DDR2: variants seen among roughly 807,000 people sequenced by gnomAD.
DDR2 encodes discoidin domain receptor tyrosine kinase 2, also known as discoidin domain-containing receptor 2.
In DDR2, 27 loss-of-function variants were observed where a neutral mutation model predicts 94.9. The ratio of observed to expected loss-of-function variants is 0.28; its 90% CI spans 0.21 to 0.39. The LOEUF is 0.39. Ranked by LOEUF, DDR2 falls within the 10% of genes least tolerant of loss-of-function variation. DDR2 has a pLI of 1.00. For synonymous variants in DDR2, 382 were observed against 377.2 expected, an observed-to-expected ratio of 1.01 and a Z score of -0.15; for missense variants, 783 against 1,076.0, an observed-to-expected ratio of 0.73 and a Z score of 3.81.
chr1:162,725,965 G>A (rs887886137), intron 3 of DDR2, among the ~76,000 whole-genome samples: 3 of 152,190 alleles, frequency 2.0e-5, no homozygotes, highest in African/African-American at 4.8e-5. Flanking sequence ...TAAAGTGATG[G>A]GAGGAAACAT....
At chr1:162,749,136 G>C (rs1663045429) in intron 3 of DDR2, among the ~76,000 whole-genome samples, 1 of 151,930 alleles carries the variant, frequency 6.6e-6, no homozygotes, top group Non-Finnish European at 1.5e-5. Context: ...GCTAGCAGAA[G>C]GCAAGAAATA....
intron 2 of DDR2, among the ~76,000 whole-genome samples, chr1:162,708,802 C>T (rs1263896329): frequency 6.6e-6 from 1 of 152,182 alleles, no homozygotes; most frequent in Non-Finnish European, 1.5e-5. Context: ...ACCTGCCAAC[C>T]AACCTACACA....
rs1647819911 is a variant in DDR2 at position 162,780,199 on chromosome 1, T to C, written c.2521T>C (p.Ser841Pro). 6.2e-7 allele frequency: 1 copy of C among 1,613,876 alleles called. No homozygotes were observed. Among genetic ancestry groups the C allele is most frequent in the African/African-American group, 1.3e-5 (1 of 74,896 alleles). Residue 841 changes from serine to proline, a missense_variant, in exon 18 of 18, where the codon TCA (serine) becomes CCA (proline). By Grantham distance (74) the Ser-to-Pro change is moderately conservative. Around this residue, in one of 2 missense-constraint regions of DDR2, gnomAD observed 264 missense variants for 428.2 expected, o/e 0.62. Transcript: ENST00000367921. ...CWRRDTKNRP[S>P]FQEIHLLLLQ... is the part of the protein sequence containing the mutation. ...GAGAAGAGATACGAAGAACCGTCCC[T>C]CATTCCAAGAAATCCACCTTCTGCT... is the stretch of plus-strand genomic sequence containing the variant.
intron 2 of DDR2, among the ~76,000 whole-genome samples, chr1:162,710,727 T>TTCAACACACACAAATGCAAG (rs1167004346): frequency 6.6e-6 from 1 of 151,100 alleles, no homozygotes; most frequent in Non-Finnish European, 1.5e-5. Flanking sequence ...AATCTTAATC[T>TTCAACACACACAAATGCAAG]TCAACACACA....
At chr1:162,697,637 C>T (rs185056032) in intron 2 of DDR2, among the ~76,000 whole-genome samples, 49 of 152,202 alleles carry the variant, frequency 3.2e-4, no homozygotes, top group East Asian at 1.5e-3. Context: ...ACATTTACTA[C>T]GAAATGAGAC....
At chr1:162,706,696 G>A (rs1660675620) in intron 2 of DDR2, among the ~76,000 whole-genome samples, 1 of 152,146 alleles carries the variant, frequency 6.6e-6, no homozygotes, top group African/African-American at 2.4e-5. Flanking sequence ...GAGAGGAGCG[G>A]GCCTGGTAGG....
intron 2 of DDR2, among the ~76,000 whole-genome samples, chr1:162,661,620 A>G (rs1658299355): frequency 6.6e-6 from 1 of 152,232 alleles, no homozygotes; most frequent in Admixed American, 6.5e-5. Flanking sequence ...ACAGAAGAGA[A>G]GCTGGCATGG....
At chr1:162,650,393 C>T (rs928444339) in intron 1 of DDR2, among the ~76,000 whole-genome samples, 3 of 152,070 alleles carry the variant, frequency 2.0e-5, no homozygotes, top group East Asian at 1.9e-4. Context: ...GTCAGGAGTT[C>T]GAGAACAGCC....
At chr1:162,685,061 G>T (rs890744172) in intron 2 of DDR2, among the ~76,000 whole-genome samples, 1 of 152,046 alleles carries the variant, frequency 6.6e-6, no homozygotes, top group Non-Finnish European at 1.5e-5. Flanking sequence ...AAATTTTCTG[G>T]GTTTAAATCA....
rs144904267 is a variant in DDR2 at position 162,644,911 on chromosome 1, G to A, written c.-191-10300G>A. ...ACGCCCAGCCAACCACACTTCTTAA[G>A]GCTAGATAAATACATAGCTTTAAGT... On this transcript the variant is annotated intron_variant, in intron 1 of 17. Coordinates refer to ENST00000367921, the MANE Select transcript of DDR2 (RefSeq NM_006182.4). Among the ~76,000 whole-genome samples, 708 of 152,234 alleles carry A rather than the reference G, an allele frequency of 4.7e-3. 20 individuals are homozygous for A. Among genetic ancestry groups the A allele is most frequent in the East Asian group, 8.5e-3 (44 of 5,174 alleles).
intron 3 of DDR2, 36 bp from the exon 4 acceptor site, chr1:162,753,059 T>A: frequency 6.4e-7 from 1 of 1,556,774 alleles, no homozygotes; most frequent in South Asian, 1.1e-5. Flanking sequence ...AATAAAACCA[T>A]GTCCTCTCTT....
At chr1:162,662,704 GT>G (rs1205315964) in intron 2 of DDR2, among the ~76,000 whole-genome samples, 2 of 152,218 alleles carry the variant, frequency 1.3e-5, no homozygotes, top group African/African-American at 4.8e-5. Context: ...TGCCTTGTGA[GT>G]TTTTTGTGAA....
Position 162,775,833 on chromosome 1 carries a change from C to A in DDR2, c.2038C>A (p.Arg680Ser), listed in dbSNP as rs572243397. 2.5e-6 allele frequency: 4 copies of A among 1,613,880 alleles called. No individual in the cohort carries two copies. The highest frequency in any genetic ancestry group is 3.4e-6 in the Non-Finnish European group (4 of 1,179,986). Residue 680 changes from arginine to serine, a missense_variant, in exon 15 of 18, where the codon CGC becomes AGC. Physicochemically the swap from Arg to Ser is moderately radical, Grantham distance 110. Transcript: ENST00000367921. ...CCCTAATTCTTCCTCCAGCGATGTA[C>A]GCACTGTCAGGTAAACAAGCCAGGT... ...EPPNSSSSDV[R>S]TVSYTNLKFM... is the part of the protein sequence containing the mutation.
At chr1:162,707,301 A>C (rs533861748) in intron 2 of DDR2, among the ~76,000 whole-genome samples, 1 of 152,210 alleles carries the variant, frequency 6.6e-6, no homozygotes, top group East Asian at 1.9e-4. Flanking sequence ...CTAAGTCCCT[A>C]TGAGGTCTAC....
intron 3 of DDR2, 21 bp from the exon 4 acceptor site, chr1:162,753,074 C>T (rs1396568497): frequency 6.2e-7 from 1 of 1,601,308 alleles, no homozygotes; most frequent in East Asian, 2.2e-5. Context: ...TCTCTTTTCT[C>T]TTTGGTTTCT....
intron 10 of DDR2, 32 bp from the exon 11 acceptor site, chr1:162,767,197 T>C (rs772259577): frequency 1.9e-6 from 3 of 1,613,998 alleles, no homozygotes; most frequent in Admixed American, 1.7e-5. Context: ...TGTGAGATGA[T>C]TGTATTCTCT....
rs138344066 is a variant in DDR2 at position 162,698,241 on chromosome 1, G to A, written c.-27-20796G>A. 1.4e-3 allele frequency among the ~76,000 whole-genome samples: 216 copies of A among 152,278 alleles called. 2 individuals carry two copies. The highest frequency in any genetic ancestry group is 0.012 in the Admixed American group (182 of 15,292). On this transcript the variant is annotated intron_variant, in intron 2 of 17. Coordinates refer to ENST00000367921, the MANE Select transcript of DDR2 (RefSeq NM_006182.4). The stretch of plus-strand genomic sequence containing the variant: ...ATGGCAATGCTCTGTGGGATACTGC[G>A]TCCAAGCAGAACAGTCAAGGGATTC...
chr1:162,719,590 G>A (rs1296092289), intron 3 of DDR2, among the ~76,000 whole-genome samples: 1 of 152,130 alleles, frequency 6.6e-6, no homozygotes, highest in African/African-American at 2.4e-5. Flanking sequence ...TCTCAGGCAG[G>A]TTCTCTTTCC....
chr1:162,661,764 C>T (rs79872761), intron 2 of DDR2, among the ~76,000 whole-genome samples: 1 of 152,224 alleles, frequency 6.6e-6, no homozygotes, highest in African/African-American at 2.4e-5. Flanking sequence ...CTTTCCAGAA[C>T]CAAATTTCAG....
Sources: gnomAD v4.1 joint callset for allele counts (sites outside exome capture counted in the v4.1 genomes callset) on GRCh38, gnomAD v4.1.1 for gene constraint, gnomAD v4.1.1 regional missense constraint, MANE v1.5 for transcripts, NCBI Gene and HGNC (gene_info 2026-07-23, HGNC 2026-07-21) for gene names.